CYFIP1: variants seen among roughly 807,000 people sequenced by gnomAD.
The protein encoded by CYFIP1 is cytoplasmic FMR1 interacting protein 1.
In CYFIP1, 58 loss-of-function variants were observed where a neutral mutation model predicts 163.5. The observed-to-expected ratio is 0.35, with a 90% CI of 0.29 to 0.44. The LOEUF is 0.44. CYFIP1 is among the 20% of genes least tolerant of loss of function. The pLI is 1.00. For synonymous variants in CYFIP1, 663 were observed against 660.7 expected (o/e 1.00, Z -0.05); for missense variants, 1,338 against 1,653.8 (o/e 0.81, Z 3.31).
Position 22,868,437 on chromosome 15 carries a change from T to C in CYFIP1, c.*1591A>G, listed in dbSNP as rs1270840159. 1 of 152,106 alleles carries C rather than the reference T, an allele frequency of 6.6e-6. No individual in the cohort carries two copies. Among genetic ancestry groups the C allele is most frequent in the African/African-American group, 2.4e-5 (1 of 41,326 alleles). 9.4% of individuals were successfully genotyped at this position (152,106 alleles called of 1,614,324 possible). A position where few individuals can be genotyped will look rare whatever the true frequency, so the allele number is the denominator to read the frequency against. ...CCTAAGGTATTACATATTTGGTATATAATTAAGCCTTATAAAACTTGGTAA... is the reference window on the plus strand; with the variant it reads ...CCTAAGGTATTACATATTTGGTATACAATTAAGCCTTATAAAACTTGGTAA... On this transcript the variant is annotated 3_prime_UTR_variant, in exon 31 of 31. Coordinates refer to ENST00000617928, the MANE Select transcript of CYFIP1 (RefSeq NM_014608.6).
chr15:22,967,104 G>T (rs1339355107), intron 1 of CYFIP1, among the ~76,000 whole-genome samples: 1 of 152,102 alleles, frequency 6.6e-6, no homozygotes, highest in African/African-American at 2.4e-5. Flanking sequence ...CAAGCAACCT[G>T]AGGTACCTGA....
intron 22 of CYFIP1, among the ~76,000 whole-genome samples, chr15:22,900,018 T>C (rs2060344877): frequency 6.6e-6 from 1 of 152,140 alleles, no homozygotes. Flanking sequence ...CACTCCAGCC[T>C]GGGTGGCAGA....
At chr15:22,871,154 C>T (rs1007690542) in intron 30 of CYFIP1, among the ~76,000 whole-genome samples, 1 of 152,156 alleles carries the variant, frequency 6.6e-6, no homozygotes, top group Non-Finnish European at 1.5e-5. Context: ...AAATGCACAT[C>T]TTGGGGGAAA....
chr15:22,939,958 C>T (rs1447844376), intron 6 of CYFIP1, among the ~76,000 whole-genome samples: 1 of 152,218 alleles, frequency 6.6e-6, no homozygotes, highest in Non-Finnish European at 1.5e-5. Flanking sequence ...CTGGACCACA[C>T]CTCCCCAGGC....
chr15:22,979,935 G>C (rs1020029556), intron 1 of CYFIP1, among the ~76,000 whole-genome samples: 1 of 152,198 alleles, frequency 6.6e-6, no homozygotes, highest in African/African-American at 2.4e-5. Flanking sequence ...CTGGAGCTGT[G>C]CCATGTGCCG....
At position 22,873,612 on chromosome 15, in the gene CYFIP1, G is replaced by A. The variant is rs1403318284; in HGVS notation, c.3328C>T (p.Arg1110Cys). ...ACCCCATTGCTGGGCAGAGGCCCGC[G>A]CCAGATGGGGTCATCCAGAAAGCTC... ...IRSFLDDPIW[R>C]GPLPSNGVMH... Residue 1110 changes from arginine to cysteine, a missense_variant, in exon 29 of 31, where the codon CGC (arginine) becomes TGC (cysteine). Coordinates refer to ENST00000617928, the MANE Select transcript of CYFIP1 (RefSeq NM_014608.6). 7 of 1,614,124 alleles carry A rather than the reference G, an allele frequency of 4.3e-6. No homozygotes were observed. The highest frequency in any genetic ancestry group is 1.1e-5 in the South Asian group (1 of 91,090).
rs558129779 is a variant in CYFIP1 at position 22,954,583 on chromosome 15, G to A, written c.-6-7292C>T. 3.9e-4 allele frequency among the ~76,000 whole-genome samples: 60 copies of A among 152,206 alleles called. 2 individuals are homozygous for A. In the South Asian group the frequency reaches 9.1e-3, roughly 23 times the overall value. Reference sequence around the variant, plus strand: ...GCCTGTGCCCCCGGCCTCCCCAGGCGGCGAACCGACCCAAAAATAACATGC... The same window carrying A: ...GCCTGTGCCCCCGGCCTCCCCAGGCAGCGAACCGACCCAAAAATAACATGC... On this transcript the variant is annotated intron_variant, in intron 1 of 30. Transcript: ENST00000617928.
At chr15:22,924,816 A>T (rs1387601288) in intron 13 of CYFIP1, among the ~76,000 whole-genome samples, 1 of 152,206 alleles carries the variant, frequency 6.6e-6, no homozygotes, top group Non-Finnish European at 1.5e-5. Flanking sequence ...TCACACCTGC[A>T]ATCCCAGCAC....
intron 6 of CYFIP1, among the ~76,000 whole-genome samples, chr15:22,942,334 C>T (rs17137226): frequency 0.24 from 35,865 of 152,174 alleles, 4,807 homozygotes; most frequent in Middle Eastern, 0.34. Flanking sequence ...AGATGCCTTA[C>T]TTAGCAGAGG....
At chr15:22,941,500 G>C (rs768775830) in intron 6 of CYFIP1, among the ~76,000 whole-genome samples, 1 of 151,710 alleles carries the variant, frequency 6.6e-6, no homozygotes, top group Non-Finnish European at 1.5e-5. Context: ...CTTAAAAGAG[G>C]TTATACTAGT....
intron 22 of CYFIP1, among the ~76,000 whole-genome samples, chr15:22,901,765 G>A (rs535267035): frequency 5.9e-5 from 9 of 152,306 alleles, no homozygotes; most frequent in East Asian, 5.8e-4. Flanking sequence ...CTAAAATTCC[G>A]GGTAGCATGG....
Position 22,962,683 on chromosome 15 carries a change from C to T in CYFIP1, c.-6-15392G>A, listed in dbSNP as rs187171731. Among the ~76,000 whole-genome samples, 413 of 151,934 alleles carry T rather than the reference C, an allele frequency of 2.7e-3. 4 individuals carry two copies. Among genetic ancestry groups the T allele is most frequent in the Middle Eastern group, 3.4e-3 (1 of 294 alleles). ...CCTCCCAAAGTGCTGAGATTACAGACGTGAGCCACCACGCCCGGCCATAGC... is the reference window on the plus strand; with the variant it reads ...CCTCCCAAAGTGCTGAGATTACAGATGTGAGCCACCACGCCCGGCCATAGC... On this transcript the variant is annotated intron_variant, in intron 1 of 30. Transcript: ENST00000617928.
intron 22 of CYFIP1, among the ~76,000 whole-genome samples, chr15:22,894,278 CTTTTTTTT>C (rs57603773): frequency 6.0e-4 from 39 of 65,468 alleles, no homozygotes; most frequent in South Asian, 3.6e-3. Context: ...GCAGACTTTT[CTTTTTTTT>C]TTTTTTTTTT....
Position 22,882,930 on chromosome 15 carries a change from G to A in CYFIP1, c.2758C>T (p.Leu920Phe), listed in dbSNP as rs1173058519. Residue 920 changes from leucine to phenylalanine, a missense_variant, in exon 24 of 31, where the codon CTT becomes TTT. Physicochemically the swap from Leu to Phe is conservative, Grantham distance 22. Around this residue, in one of 4 missense-constraint regions of CYFIP1, gnomAD observed 824 missense variants for 995.7 expected, o/e 0.83. Transcript: ENST00000617928. ...ACGGCGATACCCTGGTAGCCGAGAAGCCGGCAGATGACTTGAAAGTGTGGA... is the reference window on the plus strand; with the variant it reads ...ACGGCGATACCCTGGTAGCCGAGAAACCGGCAGATGACTTGAAAGTGTGGA... ...GPPHFQVICR[L>F]LGYQGIAVVM... 1 of 1,614,002 alleles carries A rather than the reference G, an allele frequency of 6.2e-7. No individual in the cohort carries two copies. The highest frequency in any genetic ancestry group is 1.3e-5 in the African/African-American group (1 of 74,924).
At chr15:22,885,811 T>C (rs968326311) in intron 23 of CYFIP1, among the ~76,000 whole-genome samples, 10 of 152,168 alleles carry the variant, frequency 6.6e-5, no homozygotes, top group African/African-American at 1.7e-4. Flanking sequence ...CCCGCCTTCT[T>C]TGGAGCCCTC....
chr15:22,869,312 C>CTGT lies in CYFIP1; in HGVS notation c.*715_*716insACA, dbSNP rs3083585. 6.6e-6 allele frequency: 1 copy of CTGT among 151,860 alleles called. No homozygotes were observed. The highest frequency in any genetic ancestry group is 2.4e-5 in the African/African-American group (1 of 41,200). The allele number at this position is 151,860 out of a possible 1,614,324, so 9.4% of individuals were successfully genotyped here. A position where few individuals can be genotyped will look rare whatever the true frequency, so the allele number is the denominator to read the frequency against. ...CCCTAAATATAAAGCTAAACCTGTGCTGAGGTGAGCGGTATATGGGATGGT... is the reference window on the plus strand; with the variant it reads ...CCCTAAATATAAAGCTAAACCTGTGCTGTTGAGGTGAGCGGTATATGGGATGGT... On this transcript the variant is annotated 3_prime_UTR_variant, in exon 31 of 31. Coordinates refer to ENST00000617928, the MANE Select transcript of CYFIP1 (RefSeq NM_014608.6).
chr15:22,888,203 C>CT (rs1480340912), intron 23 of CYFIP1, among the ~76,000 whole-genome samples: 1 of 152,134 alleles, frequency 6.6e-6, no homozygotes, highest in East Asian at 1.9e-4. Flanking sequence ...AAGCACTAAT[C>CT]TGTTTTTTGA....
At chr15:22,877,090 T>C (rs1021323290) in intron 26 of CYFIP1, among the ~76,000 whole-genome samples, 4 of 152,244 alleles carry the variant, frequency 2.6e-5, no homozygotes, top group Middle Eastern at 3.4e-3. Context: ...AAACTCATGG[T>C]GAAATTTAAT....
rs570981760 is a variant in CYFIP1, at chr15:22,951,420, A to G, written c.-6-4129T>C. On this transcript the variant is annotated intron_variant, in intron 1 of 30. Coordinates refer to ENST00000617928, the MANE Select transcript of CYFIP1 (RefSeq NM_014608.6). ...AGGGTCCAGCCCCAGCGCTGCCTGC[A>G]GAGCCAGCATGGGGGGCCTGCCCTT... is the stretch of plus-strand genomic sequence containing the variant. 2,999 of 1,289,414 alleles carry G rather than the reference A, an allele frequency of 2.3e-3. 14 individuals are homozygous for G. Among genetic ancestry groups the G allele is most frequent in the Middle Eastern group, 0.012 (55 of 4,654 alleles). 79.9% of individuals were successfully genotyped at this position (1,289,414 alleles called of 1,614,324 possible). A position where few individuals can be genotyped will look rare whatever the true frequency, so the allele number is the denominator to read the frequency against.
Sources: gnomAD v4.1 joint callset for allele counts (sites outside exome capture counted in the v4.1 genomes callset) on GRCh38, gnomAD v4.1.1 for gene constraint, gnomAD v4.1.1 regional missense constraint, MANE v1.5 for transcripts, NCBI Gene and HGNC (gene_info 2026-07-23, HGNC 2026-07-21) for gene names.